Variants in GRIK3 observed in about 807,000 individuals in gnomAD.
GRIK3 encodes glutamate ionotropic receptor kainate type subunit 3.
Under a neutral mutation model 102.5 loss-of-function variants are expected in GRIK3, and 29 were observed. That is an observed-to-expected ratio of 0.28 (90% confidence interval 0.21 to 0.39). GRIK3 has a LOEUF of 0.39. Ranked by LOEUF, GRIK3 falls within the 10% of genes least tolerant of loss-of-function variation. GRIK3 has a pLI of 1.00. For missense variants in GRIK3, 908 were observed against 1,252.4 expected, an observed-to-expected ratio of 0.73 and a Z score of 4.15; for synonymous variants, 511 against 504.9, an observed-to-expected ratio of 1.01 and a Z score of -0.16.
At chr1:36,922,747 C>T (rs1415453628) in intron 1 of GRIK3, among the ~76,000 whole-genome samples, 1 of 152,138 alleles carries the variant, frequency 6.6e-6, no homozygotes, top group Non-Finnish European at 1.5e-5. Flanking sequence ...AAACAGGTTC[C>T]GGGAGGTGCG....
At chr1:36,859,053 TACAGGGCCCACAGTCCC>T (rs1640688033) in intron 7 of GRIK3, 38 bp downstream of exon 7, 1 of 1,470,656 alleles carries the variant, frequency 6.8e-7, no homozygotes, top group Non-Finnish European at 9.3e-7. Context: ...TCTGCTGCTC[TACAGGGCCCACAGTCCC>T]GGGGAGACAA....
rs1438746863 is a variant in GRIK3, at chr1:36,891,113, A to C, written c.116-17T>G. ...AGATTCCTCCTGTGAAAGATGAGTA[A>C]AATTGTGTGTGGTTGGGAGGAGGGA... On this transcript the variant is annotated splice_polypyrimidine_tract_variant and intron_variant, in intron 1 of 15. Transcript: ENST00000373091. 1 of 1,600,390 alleles carries C rather than the reference A, an allele frequency of 6.2e-7. No individual in the cohort carries two copies. Among genetic ancestry groups the C allele is most frequent in the African/African-American group, 1.3e-5 (1 of 74,748 alleles).
rs868269072 is a variant in GRIK3, at chr1:36,916,993, T to C, written c.116-25897A>G. 1.3e-4 allele frequency among the ~76,000 whole-genome samples: 20 copies of C among 152,296 alleles called. No homozygotes were observed. The Middle Eastern group carries it at 0.01, about 78-fold the overall frequency. On this transcript the variant is annotated intron_variant, in intron 1 of 15. Transcript: ENST00000373091. ...TGGAAAAACCACAGACACTCAATGC[T>C]GACCCATGAAAGCAGCCAAGATAGG...
In GRIK3 at chr1:36,953,375, A is replaced by G. The variant is rs74064818; in HGVS notation, c.116-62279T>C. 1.9e-3 allele frequency among the ~76,000 whole-genome samples: 289 copies of G among 152,294 alleles called. 1 individual carries two copies. The highest frequency in any genetic ancestry group is 6.6e-3 in the African/African-American group (276 of 41,568). On this transcript the variant is annotated intron_variant, in intron 1 of 15. Coordinates refer to ENST00000373091, the MANE Select transcript of GRIK3 (RefSeq NM_000831.4). Reference sequence around the variant, plus strand: ...GATATGCTGTTGAGCCGAGACCTGCAGGATAAAGGAGTTAGTGTGCCAAGT... The same window carrying G: ...GATATGCTGTTGAGCCGAGACCTGCGGGATAAAGGAGTTAGTGTGCCAAGT...
intron 1 of GRIK3, among the ~76,000 whole-genome samples, chr1:36,923,473 C>T (rs563098559): frequency 6.6e-6 from 1 of 152,212 alleles, no homozygotes; most frequent in Admixed American, 6.5e-5. Context: ...CCAAATTTTG[C>T]AGTGGGGGCT....
At position 36,841,849 on chromosome 1, in the gene GRIK3, G is replaced by C; in HGVS notation, c.1417C>G (p.Leu473Val). The C allele has an allele frequency of 6.2e-7, 1 of 1,614,092 alleles. No homozygotes were observed. Among genetic ancestry groups the C allele is most frequent in the African/African-American group, 1.3e-5 (1 of 75,050 alleles). ...EGYCIDLLKE[L>V]AHILGFSYEI... ...TAGGAGAAACCAAGGATGTGGGCCAGCTCCTTTAGCAGGTCGATGCAGTAG... is the reference window on the plus strand; with the variant it reads ...TAGGAGAAACCAAGGATGTGGGCCACCTCCTTTAGCAGGTCGATGCAGTAG... The change falls in exon 10 of 16, where the codon CTG (leucine) becomes GTG (valine). Residue 473 changes from leucine (L) to valine (V), a missense_variant. This residue lies in a region of GRIK3 where 585 missense variants were observed against 824.9 expected (regional missense o/e 0.71). Coordinates refer to ENST00000373091, the MANE Select transcript of GRIK3 (RefSeq NM_000831.4).
Position 36,880,451 on chromosome 1 carries a change from G to A in GRIK3, c.550+183C>T, listed in dbSNP as rs1019850172. ...TGGGGCTGAGTGAGATATGAGTGCC[G>A]CTGGGGTGCACAGGGTGTGAGTGGG... On this transcript the variant is annotated intron_variant, in intron 3 of 15. Coordinates refer to ENST00000373091, the MANE Select transcript of GRIK3 (RefSeq NM_000831.4). The surrounding 1 kb of genome is among the most constrained non-coding windows in gnomAD (Gnocchi z 5.4). Among the ~76,000 whole-genome samples the A allele has an allele frequency of 6.6e-6, 1 of 152,126 alleles. No homozygotes were observed. Among genetic ancestry groups the A allele is most frequent in the African/African-American group, 2.4e-5 (1 of 41,416 alleles).
At chr1:36,834,025 G>T (rs1244024209) in intron 10 of GRIK3, among the ~76,000 whole-genome samples, 1 of 152,158 alleles carries the variant, frequency 6.6e-6, no homozygotes, top group Non-Finnish European at 1.5e-5. Context: ...GCCCCAGTCT[G>T]GGAACCAGGG....
intron 12 of GRIK3, among the ~76,000 whole-genome samples, chr1:36,818,692 C>T (rs756361216): frequency 1.3e-5 from 2 of 152,224 alleles, no homozygotes; most frequent in Non-Finnish European, 2.9e-5. Flanking sequence ...GTGCCCAGGA[C>T]ACATTGGGAT....
intron 1 of GRIK3, among the ~76,000 whole-genome samples, chr1:36,969,107 AC>A (rs555086449): frequency 4.1e-4 from 63 of 152,020 alleles, no homozygotes; most frequent in African/African-American, 1.5e-3. Flanking sequence ...AGAAAACCAA[AC>A]CCGCATCCTC....
chr1:37,005,089 T>C (rs1239791638), intron 1 of GRIK3, among the ~76,000 whole-genome samples: 1 of 152,216 alleles, frequency 6.6e-6, no homozygotes, highest in Non-Finnish European at 1.5e-5. Flanking sequence ...TCAATTCTAT[T>C]TTCACCTGCT....
chr1:36,834,584 G>C (rs563749800), intron 10 of GRIK3, among the ~76,000 whole-genome samples: 101 of 152,258 alleles, frequency 6.6e-4, no homozygotes, highest in African/African-American at 2.4e-3. Context: ...GAAAGGATGG[G>C]TGTGCCTCTC....
At chr1:36,959,594 G>A (rs1026978532) in intron 1 of GRIK3, among the ~76,000 whole-genome samples, 5 of 126,486 alleles carry the variant, frequency 4.0e-5, no homozygotes, top group African/African-American at 1.4e-4. Context: ...CCATGACTCT[G>A]TACCCCATGA....
chr1:36,926,781 T>C (rs562420639), intron 1 of GRIK3, among the ~76,000 whole-genome samples: 31 of 152,306 alleles, frequency 2.0e-4, no homozygotes, highest in Non-Finnish European at 4.1e-4. Context: ...TCCTACCTCT[T>C]AGGCAACCCA....
intron 1 of GRIK3, among the ~76,000 whole-genome samples, chr1:36,978,642 C>T (rs767024858): frequency 9.9e-5 from 15 of 152,164 alleles, no homozygotes; most frequent in African/African-American, 2.7e-4. Context: ...AGGATGGCCT[C>T]GTTTCATGAC....
intron 1 of GRIK3, among the ~76,000 whole-genome samples, chr1:37,002,056 A>C (rs1642483370): frequency 6.6e-6 from 1 of 152,182 alleles, no homozygotes; most frequent in African/African-American, 2.4e-5. Flanking sequence ...AGCAACAAGC[A>C]TCCAAAGGGG....
At chr1:36,868,276 C>G (rs1424751733) in intron 5 of GRIK3, among the ~76,000 whole-genome samples, 1 of 152,214 alleles carries the variant, frequency 6.6e-6, no homozygotes, top group African/African-American at 2.4e-5. Flanking sequence ...TTCCAGGAGA[C>G]AGCATGGCAG....
intron 1 of GRIK3, among the ~76,000 whole-genome samples, chr1:37,027,692 A>G (rs563062298): frequency 6.6e-6 from 1 of 152,334 alleles, no homozygotes; most frequent in East Asian, 1.9e-4. Flanking sequence ...AGATGGGGAA[A>G]TGGAGGCCCT....
At chr1:36,885,110 T>G (rs1641023765) in intron 2 of GRIK3, among the ~76,000 whole-genome samples, 1 of 152,242 alleles carries the variant, frequency 6.6e-6, no homozygotes, top group Non-Finnish European at 1.5e-5. Context: ...ACGGCATTGC[T>G]GAGGGTGAAA....
Sources: allele counts gnomAD v4.1 joint callset (sites outside exome capture counted in the v4.1 genomes callset), GRCh38; gene constraint gnomAD v4.1.1; regional missense constraint gnomAD v4.1.1; non-coding constraint Gnocchi (gnomAD v3.1); transcripts MANE v1.5; gene names NCBI Gene and HGNC (gene_info 2026-07-23, HGNC 2026-07-21).